DIAPH2: variants seen among roughly 807,000 people sequenced by gnomAD.
DIAPH2 encodes the protein protein diaphanous homolog 2.
Under a neutral mutation model 92.7 loss-of-function variants are expected in DIAPH2, and 35 were observed. That is an observed-to-expected ratio of 0.38 (90% CI 0.29 to 0.50). The LOEUF (loss-of-function observed/expected upper bound fraction) is 0.50. DIAPH2 is among the 20% of genes least tolerant of loss of function. DIAPH2 has a pLI of 0.94. For synonymous variants in DIAPH2, 301 were observed against 280.4 expected, an observed-to-expected ratio of 1.07 and a Z score of -0.73; for missense variants, 701 against 819.5, an observed-to-expected ratio of 0.86 and a Z score of 1.77.
chrX:97,058,244 C>T (rs1340662746), intron 17 of DIAPH2, among the ~76,000 whole-genome samples: 2 of 111,497 alleles, frequency 1.8e-5, no homozygotes, highest in Non-Finnish European at 3.8e-5. Context: ...AATCAGGTGC[C>T]TTCTTGTAAT....
At chrX:97,427,201 C>G (rs1016406879) in intron 25 of DIAPH2, among the ~76,000 whole-genome samples, 1 of 110,758 alleles carries the variant, frequency 9.0e-6, no homozygotes, top group Admixed American at 9.6e-5. Flanking sequence ...TCAATTTTAC[C>G]TTTTTTTATT....
At chrX:97,324,416 C>T (rs774064087) in intron 23 of DIAPH2, among the ~76,000 whole-genome samples, 1 of 112,335 alleles carries the variant, frequency 8.9e-6, no homozygotes, top group South Asian at 3.7e-4. Context: ...AGGAAAATGA[C>T]AAAACAGCCC....
chrX:97,312,108 G>A (rs1286561164), intron 23 of DIAPH2, among the ~76,000 whole-genome samples: 2 of 110,703 alleles, frequency 1.8e-5, no homozygotes, highest in African/African-American at 3.3e-5. Context: ...GATTACAGGC[G>A]TGAGCCACCA....
intron 26 of DIAPH2, among the ~76,000 whole-genome samples, chrX:97,454,657 T>C (rs767772248): frequency 9.0e-6 from 1 of 110,626 alleles, no homozygotes; most frequent in South Asian, 3.9e-4. Context: ...AGATCGAGAC[T>C]ATCCTGGCCA....
At position 97,020,787 on chromosome X, in the gene DIAPH2, C is replaced by T. The variant is rs192406014; in HGVS notation, c.2051-52154C>T. Reference sequence around the variant, plus strand: ...GACACTGAGAGATTGTATCATGTTACTCAGAGTGGTACACAATTTAAAACT... The same window carrying T: ...GACACTGAGAGATTGTATCATGTTATTCAGAGTGGTACACAATTTAAAACT... On this transcript the variant is annotated intron_variant, in intron 17 of 26. Transcript: ENST00000324765. 9.8e-5 allele frequency among the ~76,000 whole-genome samples: 11 copies of T among 111,978 alleles called. No homozygotes were observed. In the East Asian group the frequency reaches 3.1e-3, roughly 31 times the overall value.
At chrX:97,066,067 G>A (rs2066632370) in intron 17 of DIAPH2, among the ~76,000 whole-genome samples, 2 of 111,985 alleles carry the variant, frequency 1.8e-5, no homozygotes, top group Admixed American at 9.5e-5. Flanking sequence ...TATAAGCTAA[G>A]TTTAAGTTAT....
At chrX:97,424,327 C>T (rs958234969) in intron 25 of DIAPH2, among the ~76,000 whole-genome samples, 1 of 110,874 alleles carries the variant, frequency 9.0e-6, no homozygotes, top group Non-Finnish European at 1.9e-5. Flanking sequence ...AATATTACCC[C>T]AAAAGGGATG....
At chrX:97,349,732 G>GA (rs1311386748) in intron 24 of DIAPH2, among the ~76,000 whole-genome samples, 4 of 110,442 alleles carry the variant, frequency 3.6e-5, no homozygotes, top group African/African-American at 9.9e-5. Context: ...CCTTCATAGA[G>GA]ACACATACTT....
intron 22 of DIAPH2, among the ~76,000 whole-genome samples, chrX:97,182,752 A>G (rs1243882133): frequency 9.0e-6 from 1 of 111,667 alleles, no homozygotes; most frequent in Non-Finnish European, 1.9e-5. Context: ...AGATTCAGAG[A>G]AAGGTTCCTG....
intron 24 of DIAPH2, among the ~76,000 whole-genome samples, chrX:97,363,915 T>C (rs192183858): frequency 9.0e-6 from 1 of 111,584 alleles, no homozygotes; most frequent in East Asian, 2.8e-4. Context: ...TAGTTCATCT[T>C]GGATTCCTTT....
chrX:96,774,738 G>A (rs981505686), intron 4 of DIAPH2, among the ~76,000 whole-genome samples: 3 of 111,427 alleles, frequency 2.7e-5, no homozygotes, highest in Non-Finnish European at 5.7e-5. Flanking sequence ...TCTTATGCAC[G>A]CTTGCCTTTT....
chrX:97,039,368 A>C (rs186912507), intron 17 of DIAPH2, among the ~76,000 whole-genome samples: 2 of 110,811 alleles, frequency 1.8e-5, no homozygotes, highest in East Asian at 5.6e-4. Context: ...TTGCATTTTA[A>C]TTTTGTTTTA....
intron 10 of DIAPH2, among the ~76,000 whole-genome samples, chrX:96,934,562 A>G (rs1212612139): frequency 8.9e-6 from 1 of 111,749 alleles, no homozygotes; most frequent in South Asian, 3.7e-4. Flanking sequence ...AATAATTATC[A>G]GAATCTTCAA....
At chrX:96,722,451 A>G (rs921728142) in intron 1 of DIAPH2, among the ~76,000 whole-genome samples, 3 of 109,985 alleles carry the variant, frequency 2.7e-5, no homozygotes, top group African/African-American at 9.9e-5. Flanking sequence ...CCCTTCCTCT[A>G]CTGTATTTCC....
chrX:96,959,842 C>T (rs901154988), intron 16 of DIAPH2, among the ~76,000 whole-genome samples: 2 of 111,430 alleles, frequency 1.8e-5, no homozygotes, highest in Non-Finnish European at 3.8e-5. Context: ...AATGGATGTC[C>T]AGTTTTCCTA....
At chrX:97,475,074 A>C (rs905573840) in intron 26 of DIAPH2, among the ~76,000 whole-genome samples, 7 of 111,335 alleles carry the variant, frequency 6.3e-5, no homozygotes, top group African/African-American at 2.3e-4. Flanking sequence ...GGTTTGATTT[A>C]ATGATAAAAA....
intron 19 of DIAPH2, among the ~76,000 whole-genome samples, chrX:97,091,900 G>A (rs1481602779): frequency 9.0e-6 from 1 of 111,646 alleles, no homozygotes; most frequent in African/African-American, 3.3e-5. Context: ...TGGAGGGCGG[G>A]GGTGTTGCCT....
At chrX:97,224,458 A>G (rs1012667214) in intron 22 of DIAPH2, among the ~76,000 whole-genome samples, 1 of 112,094 alleles carries the variant, frequency 8.9e-6, no homozygotes. Context: ...TTCTTCTTTC[A>G]TTCTTGAGGG....
At chrX:96,969,429 T>A (rs1380218576) in intron 17 of DIAPH2, among the ~76,000 whole-genome samples, 6 of 110,806 alleles carry the variant, frequency 5.4e-5, no homozygotes, top group South Asian at 3.8e-4. Flanking sequence ...TGGCTCTCCT[T>A]GTAGAGATCT....
Sources: allele counts gnomAD v4.1 joint callset (sites outside exome capture counted in the v4.1 genomes callset), GRCh38; gene constraint gnomAD v4.1.1; transcripts MANE v1.5; gene names NCBI Gene and HGNC (gene_info 2026-07-23, HGNC 2026-07-21).